AGAP3: variants seen among roughly 807,000 people sequenced by gnomAD.
AGAP3 encodes the protein ArfGAP with GTPase domain, ankyrin repeat and PH domain 3, also known as arf-GAP with GTPase, ANK repeat and PH domain-containing protein 3.
A neutral mutation model predicts 96.9 loss-of-function variants in AGAP3; 24 were observed. The ratio of observed to expected loss-of-function variants is 0.25; its 90% CI spans 0.18 to 0.35. The LOEUF (loss-of-function observed/expected upper bound fraction) is 0.35. AGAP3 is among the 10% of genes least tolerant of loss of function. AGAP3 has a pLI of 1.00. For missense variants in AGAP3, 876 were observed against 1,254.2 expected, an observed-to-expected ratio of 0.70 and a Z score of 4.55; for synonymous variants, 563 against 536.1, an observed-to-expected ratio of 1.05 and a Z score of -0.69.
intron 2 of AGAP3, 26 bp downstream of exon 2, chr7:151,116,877 G>A (rs775245190): frequency 1.9e-5 from 30 of 1,608,300 alleles, no homozygotes; most frequent in East Asian, 1.3e-4. Flanking sequence ...GGGCAGCACC[G>A]GCGGCCTGGA....
intron 1 of AGAP3, chr7:151,115,604 G>A: frequency 8.6e-7 from 1 of 1,167,788 alleles, no homozygotes; most frequent in South Asian, 4.2e-5. Context: ...GGGGCCGTCG[G>A]GCGGCTGCGG....
In AGAP3 at chr7:151,119,970, GCC is replaced by G; in HGVS notation, c.970-15_970-14del. The G allele has an allele frequency of 6.2e-7, 1 of 1,612,810 alleles. No homozygotes were observed. The highest frequency in any genetic ancestry group is 8.5e-7 in the Non-Finnish European group (1 of 1,179,742). Reference sequence around the variant, plus strand: ...CCCTGACCCGGAGCTGCCCTCAGCAGCCCTCTTTGTCCTTAGGCCACGAATGG... The same window carrying G: ...CCCTGACCCGGAGCTGCCCTCAGCAGCTCTTTGTCCTTAGGCCACGAATGG... On this transcript the variant is annotated splice_polypyrimidine_tract_variant and intron_variant, in intron 7 of 17. Transcript: ENST00000397238.
chr7:151,097,703 G>A lies in AGAP3; in HGVS notation c.331+10631G>A, dbSNP rs192746421. On this transcript the variant is annotated intron_variant, in intron 1 of 17. Coordinates refer to ENST00000397238, the MANE Select transcript of AGAP3 (RefSeq NM_031946.7). ...TGGAAGTGGGAGCGACAGGGAGGGC[G>A]CTACACTCTTCAACAGCCGCAGTGG... Among the ~76,000 whole-genome samples, 284 of 151,910 alleles carry A rather than the reference G, an allele frequency of 1.9e-3. 2 individuals are homozygous for A. The highest frequency in any genetic ancestry group is 1.4e-3 in the Non-Finnish European group (97 of 67,946).
intron 1 of AGAP3, among the ~76,000 whole-genome samples, chr7:151,116,130 C>T (rs906684224): frequency 2.0e-5 from 3 of 152,136 alleles, no homozygotes; most frequent in Non-Finnish European, 4.4e-5. Context: ...GCCTGGCTGT[C>T]GGAGGGCTCT....
Position 151,096,573 on chromosome 7 carries a change from C to T in AGAP3, c.331+9501C>T, listed in dbSNP as rs1429251408. ...CTGCAACCTCTGCCTCCCAGGTTCA[C>T]GCCATTCTCCTGCCACAGCCTCCCG... On this transcript the variant is annotated intron_variant, in intron 1 of 17. Coordinates refer to ENST00000397238, the MANE Select transcript of AGAP3 (RefSeq NM_031946.7). The surrounding 1 kb of genome is among the most constrained non-coding windows in gnomAD (Gnocchi z 4.4). 6.7e-6 allele frequency among the ~76,000 whole-genome samples: 1 copy of T among 148,476 alleles called. No homozygotes were observed.
chr7:151,122,885 G>A (rs1305652857), intron 8 of AGAP3: 7 of 1,546,006 alleles, frequency 4.5e-6, no homozygotes, highest in South Asian at 1.2e-5. Flanking sequence ...AGAAGCGGCC[G>A]CCGAGCTCCC....
At position 151,141,816 on chromosome 7, in the gene AGAP3, A is replaced by G. The variant is rs761825905; in HGVS notation, c.1805-82A>G. 31 of 1,561,378 alleles carry G rather than the reference A, an allele frequency of 2.0e-5. No homozygotes were observed. Among genetic ancestry groups the G allele is most frequent in the African/African-American group, 6.8e-5 (5 of 73,718 alleles). On this transcript the variant is annotated intron_variant, in intron 13 of 17. Coordinates refer to ENST00000397238, the MANE Select transcript of AGAP3 (RefSeq NM_031946.7). The surrounding 1 kb of genome is among the most constrained non-coding windows in gnomAD (Gnocchi z 4.2). ...AGGACACTTGCCAGTGGAGCAGGGT[A>G]GTGAGTGGAGTTGTGGCGATAGCAT...
rs532633679 is a variant in AGAP3 at position 151,116,686 on chromosome 7, C to T, written c.332-107C>T. Reference sequence around the variant, plus strand: ...GGGGTCCCGTGGAGGAAGCTGCTGTCCTCTGGCCTGGGCTTGGGGAGGGCA... The same window carrying T: ...GGGGTCCCGTGGAGGAAGCTGCTGTTCTCTGGCCTGGGCTTGGGGAGGGCA... On this transcript the variant is annotated intron_variant, in intron 1 of 17. Transcript: ENST00000397238. 35 of 1,296,748 alleles carry T rather than the reference C, an allele frequency of 2.7e-5. No individual in the cohort carries two copies. The South Asian group carries it at 3.8e-4, about 14-fold the overall frequency. The allele number at this position is 1,296,748 out of a possible 1,614,324, so 80.3% of individuals were successfully genotyped here.
At position 151,139,949 on chromosome 7, in the gene AGAP3, C is replaced by T. The variant is rs1800754800; in HGVS notation, c.1667-30C>T. The T allele has an allele frequency of 6.7e-7, 1 of 1,495,466 alleles. No individual in the cohort carries two copies. The highest frequency in any genetic ancestry group is 8.9e-7 in the Non-Finnish European group (1 of 1,119,606). 92.6% of individuals were successfully genotyped at this position (1,495,466 alleles called of 1,614,324 possible). Reference sequence around the variant, plus strand: ...CCTCCCCTCCTCTGCCTCCCTTCTTCCCACACTTCTCCAACTCTCCCCTCA... The same window carrying T: ...CCTCCCCTCCTCTGCCTCCCTTCTTTCCACACTTCTCCAACTCTCCCCTCA... On this transcript the variant is annotated intron_variant, in intron 12 of 17. Coordinates refer to ENST00000397238, the MANE Select transcript of AGAP3 (RefSeq NM_031946.7). The surrounding 1 kb of genome is among the most constrained non-coding windows in gnomAD (Gnocchi z 4.9).
intron 11 of AGAP3, chr7:151,137,695 A>C: frequency 6.1e-6 from 1 of 163,882 alleles, no homozygotes; most frequent in Non-Finnish European, 1.3e-5. Flanking sequence ...AATTAGACAT[A>C]ATTACTTGAA....
At chr7:151,125,664 C>T (rs796402372) in intron 9 of AGAP3, among the ~76,000 whole-genome samples, 4 of 151,206 alleles carry the variant, frequency 2.6e-5, no homozygotes, top group East Asian at 3.9e-4. Context: ...TCCCCGCTGC[C>T]GCCGGTCCAG....
At chr7:151,134,240 ATCCAGAC>A (rs1800505378) in intron 10 of AGAP3, among the ~76,000 whole-genome samples, 153 bp from the exon 11 acceptor site, 1 of 92,550 alleles carries the variant, frequency 1.1e-5, no homozygotes, top group Admixed American at 1.1e-4. Flanking sequence ...TCGAGGTGGA[ATCCAGAC>A]TCGGAGACAT....
Position 151,118,070 on chromosome 7 carries a change from C to G in AGAP3, c.707-140C>G. The G allele has an allele frequency of 8.4e-7, 1 of 1,197,498 alleles. No individual in the cohort carries two copies. Among genetic ancestry groups the G allele is most frequent in the South Asian group, 1.6e-5 (1 of 62,884 alleles). 74.2% of individuals were successfully genotyped at this position (1,197,498 alleles called of 1,614,324 possible). On this transcript the variant is annotated intron_variant, in intron 5 of 17. Transcript: ENST00000397238. The surrounding 1 kb of genome is among the most constrained non-coding windows in gnomAD (Gnocchi z 6.1). ...GGCCATGGAAGGGTTGAAATGAGAC[C>G]CAGGCACCCGCGTTCTTGGTGCTCT...
Position 151,108,778 on chromosome 7 carries a change from T to C in AGAP3, c.332-8015T>C, listed in dbSNP as rs1361690171. 6.6e-6 allele frequency among the ~76,000 whole-genome samples: 1 copy of C among 152,236 alleles called. No homozygotes were observed. The highest frequency in any genetic ancestry group is 2.4e-5 in the African/African-American group (1 of 41,460). ...GGAGTCCTGGGCCCTGCCCAGGCTC[T>C]GTCACTGCTGGGCTGTGTAACTGCA... On this transcript the variant is annotated intron_variant, in intron 1 of 17. Transcript: ENST00000397238. This position sits in a 1 kb window ranked among gnomAD's most constrained non-coding sequence, Gnocchi z 4.2.
At chr7:151,128,291 G>A (rs1466021522) in intron 9 of AGAP3, 6 of 420,048 alleles carry the variant, frequency 1.4e-5, no homozygotes, top group Non-Finnish European at 2.7e-5. Context: ...CCCCTGACAG[G>A]CTTCTCCTGT....
intron 1 of AGAP3, among the ~76,000 whole-genome samples, chr7:151,112,517 A>G (rs945999294): frequency 1.3e-5 from 2 of 151,692 alleles, no homozygotes; most frequent in Non-Finnish European, 2.9e-5. Context: ...GCTAGGTTCT[A>G]AAGTGATCCA....
chr7:151,123,892 C>A lies in AGAP3; in HGVS notation c.1221+6C>A. 6.2e-7 allele frequency: 1 copy of A among 1,604,196 alleles called. No homozygotes were observed. Among genetic ancestry groups the A allele is most frequent in the Non-Finnish European group, 8.5e-7 (1 of 1,179,534 alleles). Reference sequence around the variant, plus strand: ...GCGCCATCCCCATCAAGCAGGTCAGCGCCTCCCTTCCCGTGTGCTCCAGGG... The same window carrying A: ...GCGCCATCCCCATCAAGCAGGTCAGAGCCTCCCTTCCCGTGTGCTCCAGGG... On this transcript the variant is annotated splice_donor_region_variant and intron_variant, in intron 9 of 17. Coordinates refer to ENST00000397238, the MANE Select transcript of AGAP3 (RefSeq NM_031946.7).
chr7:151,120,215 A>G, intron 8 of AGAP3, 70 bp downstream of exon 8: 1 of 1,500,748 alleles, frequency 6.7e-7, no homozygotes, highest in Non-Finnish European at 9.0e-7. Flanking sequence ...CCGAGCTCCC[A>G]GCCAGGAGGG....
chr7:151,102,597 A>AT (rs1798875835), intron 1 of AGAP3, among the ~76,000 whole-genome samples: 1 of 106,100 alleles, frequency 9.4e-6, no homozygotes, highest in Non-Finnish European at 2.0e-5. Flanking sequence ...CCTCGTCTCT[A>AT]CAAAAAAAAA....
Sources: allele counts gnomAD v4.1 joint callset (sites outside exome capture counted in the v4.1 genomes callset), GRCh38; gene constraint gnomAD v4.1.1; non-coding constraint Gnocchi (gnomAD v3.1); transcripts MANE v1.5; gene names NCBI Gene and HGNC (gene_info 2026-07-23, HGNC 2026-07-21).